Variants in CNTN4 observed in about 807,000 individuals in gnomAD.
CNTN4 encodes contactin-4.
A neutral mutation model predicts 122.5 loss-of-function variants in CNTN4; 77 were observed. That is an observed-to-expected ratio of 0.63 (90% CI 0.52 to 0.76). CNTN4 has a LOEUF of 0.76. Among genes scored for constraint, CNTN4 ranks in the 30% least tolerant of loss-of-function variants. CNTN4 has a pLI of 0.00. For missense variants in CNTN4, 1,256 were observed against 1,259.1 expected (o/e 1.00, Z 0.04); for synonymous variants, 512 against 447.0 (o/e 1.15, Z -1.83).
intron 13 of CNTN4, among the ~76,000 whole-genome samples, chr3:2,956,910 G>C (rs1284245332): frequency 6.6e-6 from 1 of 152,172 alleles, no homozygotes; most frequent in East Asian, 1.9e-4. Flanking sequence ...TCTGTGCCTG[G>C]TTTATTTCAC....
intron 2 of CNTN4, among the ~76,000 whole-genome samples, chr3:2,273,835 A>T (rs2041394381): frequency 6.6e-6 from 1 of 152,238 alleles, no homozygotes; most frequent in African/African-American, 2.4e-5. Context: ...TGAAAATAAA[A>T]TAAGGATAAT....
intron 6 of CNTN4, among the ~76,000 whole-genome samples, chr3:2,761,438 CTGTG>C (rs113454553): frequency 0.014 from 1,287 of 92,744 alleles, 14 homozygotes; most frequent in African/African-American, 0.034. Flanking sequence ...TAAGTGTAAC[CTGTG>C]TGTGTGTGTG....
chr3:2,416,835 T>G (rs922717129), intron 3 of CNTN4, among the ~76,000 whole-genome samples: 1 of 152,102 alleles, frequency 6.6e-6, no homozygotes, highest in South Asian at 2.1e-4. Flanking sequence ...TTTGTATTTT[T>G]AGTAGAGACG....
chr3:2,878,232 C>G (rs531569154), intron 8 of CNTN4, among the ~76,000 whole-genome samples: 50 of 152,214 alleles, frequency 3.3e-4, no homozygotes, highest in African/African-American at 1.2e-3. Flanking sequence ...ATCACTCACT[C>G]TGTGTGACTA....
intron 6 of CNTN4, among the ~76,000 whole-genome samples, chr3:2,759,974 T>C (rs908517762): frequency 6.6e-6 from 1 of 152,230 alleles, no homozygotes; most frequent in Non-Finnish European, 1.5e-5. Flanking sequence ...TATTGCTACA[T>C]CTTTGGAGAC....
intron 13 of CNTN4, among the ~76,000 whole-genome samples, chr3:2,978,737 G>A (rs751967160): frequency 2.0e-5 from 3 of 152,046 alleles, no homozygotes; most frequent in Non-Finnish European, 4.4e-5. Flanking sequence ...CTGTCTAACC[G>A]CCCTCATTCT....
chr3:2,549,772 T>C (rs1173780297), intron 3 of CNTN4, among the ~76,000 whole-genome samples: 1 of 152,174 alleles, frequency 6.6e-6, no homozygotes, highest in Non-Finnish European at 1.5e-5. Flanking sequence ...TCAGAAAGAA[T>C]GGTACTAGCT....
At chr3:2,857,382 G>T (rs1473325189) in intron 7 of CNTN4, among the ~76,000 whole-genome samples, 3 of 152,274 alleles carry the variant, frequency 2.0e-5, no homozygotes, top group African/African-American at 7.2e-5. Context: ...TTGTGTGTTT[G>T]AGCTCTTTGT....
At chr3:2,270,414 G>T (rs1046165781) in intron 2 of CNTN4, among the ~76,000 whole-genome samples, 3 of 151,720 alleles carry the variant, frequency 2.0e-5, no homozygotes, top group Admixed American at 6.6e-5. Context: ...ATTGGGGAAG[G>T]GGGGGAATGA....
chr3:2,636,940 G>T (rs201367834), intron 4 of CNTN4, among the ~76,000 whole-genome samples: 1,804 of 94,514 alleles, frequency 0.019, 7 homozygotes, highest in African/African-American at 0.032. Context: ...TTTTTTTTTG[G>T]TTTTTTTTTT....
intron 4 of CNTN4, among the ~76,000 whole-genome samples, chr3:2,733,834 A>G (rs2088881184): frequency 6.6e-6 from 1 of 151,886 alleles, no homozygotes; most frequent in Admixed American, 6.6e-5. Context: ...GCGCCTGGCC[A>G]TGTCTGCGTA....
At chr3:2,666,145 A>G (rs1464087841) in intron 4 of CNTN4, among the ~76,000 whole-genome samples, 1 of 152,180 alleles carries the variant, frequency 6.6e-6, no homozygotes, top group African/African-American at 2.4e-5. Flanking sequence ...TTATTTTATG[A>G]CTTTTCCTAG....
At chr3:3,056,053 C>A in intron 24 of CNTN4, 67 bp from the exon 25 acceptor site, 1 of 1,166,270 alleles carries the variant, frequency 8.6e-7, no homozygotes, top group Non-Finnish European at 1.3e-6. Flanking sequence ...TCAAAAAGCC[C>A]CGTGGCCCCT....
rs554246378 is a variant in CNTN4, at chr3:2,541,638, T to C, written c.-88-29778T>C. 8.5e-5 allele frequency among the ~76,000 whole-genome samples: 13 copies of C among 152,224 alleles called. 1 individual carries two copies. Among genetic ancestry groups the C allele is most frequent in the African/African-American group, 3.1e-4 (13 of 41,558 alleles). ...TATCTGACATAACCTCTCCAAGATA[T>C]TTGGTTTAAAATTAATTGGCAGTCA... On this transcript the variant is annotated intron_variant, in intron 3 of 24. Coordinates refer to ENST00000418658, the MANE Select transcript of CNTN4 (RefSeq NM_175607.3).
intron 4 of CNTN4, among the ~76,000 whole-genome samples, chr3:2,666,253 A>C (rs1312133347): frequency 6.6e-6 from 1 of 152,196 alleles, no homozygotes; most frequent in Non-Finnish European, 1.5e-5. Context: ...GGGTATTAGA[A>C]TAACGGGTTT....
chr3:2,731,736 C>T (rs531106367), intron 4 of CNTN4, among the ~76,000 whole-genome samples: 1 of 152,220 alleles, frequency 6.6e-6, no homozygotes, highest in South Asian at 2.1e-4. Flanking sequence ...AGTGTAAAAA[C>T]ATTAATCCCA....
intron 8 of CNTN4, among the ~76,000 whole-genome samples, chr3:2,869,950 C>A (rs528828896): frequency 2.6e-4 from 39 of 152,270 alleles, no homozygotes; most frequent in Middle Eastern, 6.8e-3. Flanking sequence ...TGTAAGAAAT[C>A]TCTTAAAAAT....
intron 3 of CNTN4, among the ~76,000 whole-genome samples, chr3:2,558,372 G>T (rs1486069955): frequency 6.6e-6 from 1 of 152,140 alleles, no homozygotes; most frequent in Non-Finnish European, 1.5e-5. Flanking sequence ...TCTTGAGTCT[G>T]TGCCAGTTCC....
intron 2 of CNTN4, among the ~76,000 whole-genome samples, chr3:2,243,560 T>C (rs2040022777): frequency 6.6e-6 from 1 of 152,058 alleles, no homozygotes; most frequent in Non-Finnish European, 1.5e-5. Flanking sequence ...ATTTTATGTA[T>C]GGCCCAAGAC....
Sources: gnomAD v4.1 joint callset for allele counts (sites outside exome capture counted in the v4.1 genomes callset) on GRCh38, gnomAD v4.1.1 for gene constraint, MANE v1.5 for transcripts, NCBI Gene and HGNC (gene_info 2026-07-23, HGNC 2026-07-21) for gene names.